The following DUS3L variants were observed in gnomAD, a reference collection of about 807,000 sequenced individuals.
DUS3L encodes tRNA-dihydrouridine(47) synthase [NAD(P)(+)]-like.
Under a neutral mutation model 74.6 loss-of-function variants are expected in DUS3L, and 62 were observed. The ratio of observed to expected loss-of-function variants is 0.83; its 90% CI spans 0.68 to 1.03. The LOEUF (loss-of-function observed/expected upper bound fraction) is 1.03. Ranked by LOEUF, DUS3L falls within the 50% of genes least tolerant of loss-of-function variation. The pLI is 0.00. For synonymous variants in DUS3L, 433 were observed against 395.7 expected (o/e 1.09, Z -1.12); for missense variants, 884 against 924.4 (o/e 0.96, Z 0.57).
chr19:5,789,793 C>T (rs909815006), intron 2 of DUS3L, 74 bp from the exon 3 acceptor site: 8 of 1,529,006 alleles, frequency 5.2e-6, no homozygotes, highest in Non-Finnish European at 7.1e-6. Context: ...GGTTCAAACT[C>T]TAGATCACCC....
chr19:5,788,348 A>C lies in DUS3L; in HGVS notation c.942+9T>G. The C allele has an allele frequency of 6.2e-7, 1 of 1,613,706 alleles. No individual in the cohort carries two copies. The highest frequency in any genetic ancestry group is 8.5e-7 in the Non-Finnish European group (1 of 1,179,988). On this transcript the variant is annotated intron_variant, in intron 4 of 12. Transcript: ENST00000309061. ...TGCCACCCGACCAGCCACCTGACCCAGGTCCTACCGTGGTGAGGGGGGCCA... is the reference window on the plus strand; with the variant it reads ...TGCCACCCGACCAGCCACCTGACCCCGGTCCTACCGTGGTGAGGGGGGCCA...
Position 5,787,680 on chromosome 19 carries a change from A to G in DUS3L, c.1121T>C (p.Met374Thr), listed in dbSNP as rs894140172. 2 of 1,613,572 alleles carry G rather than the reference A, an allele frequency of 1.2e-6. No individual in the cohort carries two copies. The highest frequency in any genetic ancestry group is 1.3e-5 in the African/African-American group (1 of 74,932). The change falls in exon 6 of 13, where the codon ATG becomes ACG. Residue 374 changes from methionine to threonine, a missense_variant. Met to Thr is a moderately conservative substitution (Grantham distance 81). Coordinates refer to ENST00000309061, the MANE Select transcript of DUS3L (RefSeq NM_020175.3). ...VQLEGAFPDTMTKCAELLSRT... is the reference protein window; with the variant it reads ...VQLEGAFPDTTTKCAELLSRT... ...GCTCAGCAGCTCGGCACACTTGGTC[A>G]TGGTGTCGGGGAAGGCGCCCTCCAG...
At chr19:5,785,989 GC>G in intron 10 of DUS3L, 198 bp from the exon 11 acceptor site, 1 of 621,048 alleles carries the variant, frequency 1.6e-6, no homozygotes, top group Non-Finnish European at 2.7e-6. Flanking sequence ...TGGCTCTGTC[GC>G]CCAGGCTGGG....
chr19:5,788,443 C>A, intron 3 of DUS3L, 45 bp from the exon 4 acceptor site: 1 of 1,590,732 alleles, frequency 6.3e-7, no homozygotes, highest in East Asian at 2.3e-5. Context: ...GCCTCCACCC[C>A]AGCTGCTGAG....
In DUS3L at chr19:5,787,041, C is replaced by T. The variant is rs778491500; in HGVS notation, c.1389+20G>A. The stretch of plus-strand genomic sequence containing the variant: ...GGGTCGACCGCGAGGCCCCAATGCC[C>T]GAGGCGTCCCAAGACCCACCGTGAC... On this transcript the variant is annotated intron_variant, in intron 8 of 12. Coordinates refer to ENST00000309061, the MANE Select transcript of DUS3L (RefSeq NM_020175.3). 1.6e-5 allele frequency: 24 copies of T among 1,523,336 alleles called. No individual in the cohort carries two copies. The highest frequency in any genetic ancestry group is 1.4e-4 in the Admixed American group (7 of 49,256). 94.4% of individuals were successfully genotyped at this position (1,523,336 alleles called of 1,614,324 possible).
In DUS3L at chr19:5,790,284, C is replaced by A; in HGVS notation, c.150G>T (p.Gln50His). 6.2e-7 allele frequency: 1 copy of A among 1,614,188 alleles called. No individual in the cohort carries two copies. The highest frequency in any genetic ancestry group is 8.5e-7 in the Non-Finnish European group (1 of 1,180,046). Residue 50 changes from glutamine to histidine, a missense_variant, in exon 2 of 13, where the codon CAG (glutamine) becomes CAT (histidine). Gln to His is a conservative substitution (Grantham distance 24). Coordinates refer to ENST00000309061, the MANE Select transcript of DUS3L (RefSeq NM_020175.3). ...CCTCGGTTTCCCGGCAAGTCTTCTC[C>A]TGCCCTTTGGCTTCCAGGAATTGGT... is the stretch of plus-strand genomic sequence containing the variant. The part of the protein sequence containing the change: ...QFHQFLEAKG[Q>H]EKTCRETEVG...
Position 5,789,721 on chromosome 19 carries a change from T to C in DUS3L, c.174+539A>G, listed in dbSNP as rs1270382859. ...GAAGAAACACTTAGCAGCCGACTCC[T>C]GCGAGGAAACAGGGAAGCAGTGAGG... On this transcript the variant is annotated intron_variant, in intron 2 of 11. Coordinates refer to the DUS3L transcript ENST00000320699. The C allele has an allele frequency of 1.3e-6, 2 of 1,597,726 alleles. No homozygotes were observed.
rs773814724 is a variant in DUS3L at position 5,789,684 on chromosome 19, G to A, written c.423C>T (p.Cys141=). ...AGCGCCCCACGTCGTGCAGAAAGCG[G>A]CAGCGATCACCGAAGAAACACTTAG... ...SAAKCFFGDR[C]RFLHDVGRYL... The change falls in exon 3 of 13, where the codon TGC becomes TGT. Residue 141 remains cysteine, a synonymous_variant. Coordinates refer to ENST00000309061, the MANE Select transcript of DUS3L (RefSeq NM_020175.3). 1 of 1,608,948 alleles carries A rather than the reference G, an allele frequency of 6.2e-7. No individual in the cohort carries two copies. Among genetic ancestry groups the A allele is most frequent in the Non-Finnish European group, 8.5e-7 (1 of 1,178,526 alleles).
chr19:5,786,216 T>G (rs2056840469), intron 10 of DUS3L, among the ~76,000 whole-genome samples: 2 of 152,214 alleles, frequency 1.3e-5, no homozygotes, highest in South Asian at 2.1e-4. Context: ...CCCAAAGTGC[T>G]GGGATTACAG....
intron 3 of DUS3L, 79 bp downstream of exon 3, chr19:5,789,128 G>C: frequency 6.7e-7 from 1 of 1,486,472 alleles, no homozygotes. Flanking sequence ...AGCTAGAACA[G>C]GAACGTGGAC....
intron 3 of DUS3L, 121 bp downstream of exon 3, chr19:5,789,086 C>A: frequency 7.2e-7 from 1 of 1,386,694 alleles, no homozygotes; most frequent in South Asian, 1.5e-5. Context: ...GCCAGGAGCT[C>A]CCTCAAGGCA....
In DUS3L at chr19:5,788,069, C is replaced by T; in HGVS notation, c.1050G>A (p.Trp350Ter). ...TNLLQGQMSE[W>*]ALLKRHQCED... Reference sequence around the variant, plus strand: ...CACACTGGTGGCGTTTGAGTAGGGCCCACTCGGACATCTGGCCCTGCAGCA... The same window carrying T: ...CACACTGGTGGCGTTTGAGTAGGGCTCACTCGGACATCTGGCCCTGCAGCA... The change falls in exon 5 of 13, where the codon TGG becomes TGA. Residue 350 changes from tryptophan to a stop codon, truncating the protein, a stop_gained. Coordinates refer to ENST00000309061, the MANE Select transcript of DUS3L (RefSeq NM_020175.3). LOFTEE classifies it high-confidence loss of function. The T allele has an allele frequency of 3.1e-6, 5 of 1,613,782 alleles. No individual in the cohort carries two copies. Among genetic ancestry groups the T allele is most frequent in the Non-Finnish European group, 4.2e-6 (5 of 1,180,022 alleles).
chr19:5,787,584 G>C lies in DUS3L; in HGVS notation c.1212+5C>G, dbSNP rs73550307. ...GAAACCGAGGCACACGTCCAGGGCC[G>C]CTACCTTCTTGTACACGAGGTCGAT... On this transcript the variant is annotated splice_donor_5th_base_variant and intron_variant, in intron 6 of 12. Coordinates refer to ENST00000309061, the MANE Select transcript of DUS3L (RefSeq NM_020175.3). 3.1e-6 allele frequency: 5 copies of C among 1,612,382 alleles called. No homozygotes were observed.
In DUS3L at chr19:5,789,325, CCA is replaced by C; in HGVS notation, c.780_781del (p.Cys260TrpfsTer12). 3 of 1,605,638 alleles carry C rather than the reference CCA, an allele frequency of 1.9e-6. No homozygotes were observed. Among genetic ancestry groups the C allele is most frequent in the Non-Finnish European group, 1.7e-6 (2 of 1,176,526 alleles). On this transcript the variant is annotated frameshift_variant, in exon 3 of 13. Transcript: ENST00000309061. LOFTEE classifies it high-confidence loss of function. ...CGGCCCTGCGGGGACCTGCTGGGCACCACAGTTTTCCTGCCTGGGAGCGCCCT... is the reference window on the plus strand; with the variant it reads ...CGGCCCTGCGGGGACCTGCTGGGCACCAGTTTTCCTGCCTGGGAGCGCCCT...
In DUS3L at chr19:5,789,198, A is replaced by C. The variant is rs1223753650; in HGVS notation, c.900+9T>G. ...CAGATCTGCTACTGACGTTGTCCTC[A>C]ACACGTACCCGCTTCTTCTCACAGG... On this transcript the variant is annotated intron_variant, in intron 3 of 12. Transcript: ENST00000309061. The C allele has an allele frequency of 6.6e-7, 1 of 1,522,046 alleles. No individual in the cohort carries two copies. Among genetic ancestry groups the C allele is most frequent in the African/African-American group, 1.4e-5 (1 of 71,094 alleles). 94.3% of individuals were successfully genotyped at this position (1,522,046 alleles called of 1,614,324 possible). A position where few individuals can be genotyped will look rare whatever the true frequency, so the allele number is the denominator to read the frequency against.
chr19:5,786,639 G>A, intron 9 of DUS3L, 97 bp from the exon 10 acceptor site: 1 of 1,571,994 alleles, frequency 6.4e-7, no homozygotes, highest in Admixed American at 1.8e-5. Context: ...TGACCCAGTG[G>A]CTCCCATCAG....
rs1198194280 is a variant in DUS3L at position 5,789,593 on chromosome 19, G to A, written c.514C>T (p.Pro172Ser). Residue 172 changes from proline (P) to serine (S), a missense_variant, in exon 3 of 13, where the codon CCC (proline) becomes TCC (serine). By Grantham distance (74) the Pro-to-Ser change is moderately conservative. Transcript: ENST00000309061. ...CVLFETFGRCPYGVTCRFAGA... is the reference protein window; with the variant it reads ...CVLFETFGRCSYGVTCRFAGA... ...GCGAAGCGGCAGGTCACGCCGTAGG[G>A]GCACCGGCCGAAGGTCTCGAAGAGC... 1.3e-6 allele frequency: 2 copies of A among 1,586,946 alleles called. No homozygotes were observed. Among genetic ancestry groups the A allele is most frequent in the Non-Finnish European group, 8.6e-7 (1 of 1,169,336 alleles).
intron 2 of DUS3L, 124 bp downstream of exon 2, chr19:5,789,923 G>A: frequency 6.6e-6 from 9 of 1,374,020 alleles, no homozygotes; most frequent in African/African-American, 1.4e-5. Context: ...AAGACGGAAT[G>A]GCATCAGAGC....
Position 5,788,113 on chromosome 19 carries a change from T to A in DUS3L, c.1006A>T (p.Met336Leu), listed in dbSNP as rs1267713864. The change falls in exon 5 of 13, where the codon ATG becomes TTG. Residue 336 changes from methionine to leucine, a missense_variant. Transcript: ENST00000309061. ...TGCAGCAGGTTGGTGCAGACGGCCA[T>A]CTCTCCACATGTCACATCCGCCCCG... ...RFGADVTCGEMAVCTNLLQGQ... is the reference protein window; with the variant it reads ...RFGADVTCGELAVCTNLLQGQ... 1 of 1,613,688 alleles carries A rather than the reference T, an allele frequency of 6.2e-7. No homozygotes were observed. Among genetic ancestry groups the A allele is most frequent in the Admixed American group, 1.7e-5 (1 of 60,028 alleles).
Sources: allele counts gnomAD v4.1 joint callset (sites outside exome capture counted in the v4.1 genomes callset), GRCh38; gene constraint gnomAD v4.1.1; transcripts MANE v1.5; gene names NCBI Gene and HGNC (gene_info 2026-07-23, HGNC 2026-07-21).